OXR1: variants seen among roughly 807,000 people sequenced by gnomAD.
The protein encoded by OXR1 is oxidation resistance protein 1.
Under a neutral mutation model 104.6 loss-of-function variants are expected in OXR1, and 41 were observed. That is an observed-to-expected ratio of 0.39 (90% CI 0.31 to 0.51). OXR1 has a LOEUF of 0.51. Among genes scored for constraint, OXR1 ranks in the 20% least tolerant of loss-of-function variants. OXR1 has a pLI of 0.77. For synonymous variants in OXR1, 348 were observed against 348.4 expected (o/e 1.00, Z 0.01); for missense variants, 955 against 1,031.9 (o/e 0.93, Z 1.02).
At chr8:106,323,068 A>T (rs1814291940) in intron 1 of OXR1, among the ~76,000 whole-genome samples, 1 of 152,214 alleles carries the variant, frequency 6.6e-6, no homozygotes, top group Non-Finnish European at 1.5e-5. Flanking sequence ...ACCAAAAAAG[A>T]GCCTCAATAG....
intron 1 of OXR1, among the ~76,000 whole-genome samples, chr8:106,326,997 A>G (rs1196711290): frequency 1.3e-5 from 2 of 152,162 alleles, no homozygotes; most frequent in Non-Finnish European, 2.9e-5. Context: ...AATTTTTAGG[A>G]AAATTCACAA....
intron 16 of OXR1, among the ~76,000 whole-genome samples, chr8:106,748,742 T>G (rs1384657047): frequency 6.6e-6 from 1 of 151,560 alleles, no homozygotes; most frequent in Non-Finnish European, 1.5e-5. Context: ...CTAACTTTTG[T>G]ATTTTTTATT....
intron 3 of OXR1, among the ~76,000 whole-genome samples, chr8:106,584,168 A>G (rs1215062592): frequency 6.6e-6 from 1 of 152,052 alleles, no homozygotes; most frequent in African/African-American, 2.4e-5. Flanking sequence ...TAAATGAAAA[A>G]CCCAGTAAAA....
At chr8:106,461,725 G>A (rs1820929304) in intron 2 of OXR1, among the ~76,000 whole-genome samples, 1 of 152,048 alleles carries the variant, frequency 6.6e-6, no homozygotes, top group African/African-American at 2.4e-5. Context: ...TACCTGTCTT[G>A]TCACCTGCAG....
intron 3 of OXR1, among the ~76,000 whole-genome samples, chr8:106,618,618 T>C (rs182819629): frequency 9.8e-5 from 15 of 152,316 alleles, no homozygotes; most frequent in Admixed American, 9.8e-4. Flanking sequence ...GTCAGTAAGA[T>C]TTCCATGTTG....
intron 1 of OXR1, among the ~76,000 whole-genome samples, chr8:106,323,163 C>G (rs764795985): frequency 1.3e-5 from 2 of 152,166 alleles, no homozygotes; most frequent in Non-Finnish European, 2.9e-5. Flanking sequence ...GTAATGAAAA[C>G]AGCGTGGTAG....
chr8:106,295,424 T>A (rs1367022302), intron 1 of OXR1, among the ~76,000 whole-genome samples: 2 of 152,184 alleles, frequency 1.3e-5, no homozygotes, highest in Non-Finnish European at 2.9e-5. Context: ...ATATATGTGA[T>A]GTATACATAT....
intron 1 of OXR1, among the ~76,000 whole-genome samples, chr8:106,354,865 A>C (rs1269386082): frequency 1.3e-5 from 2 of 152,126 alleles, no homozygotes; most frequent in Admixed American, 6.5e-5. Context: ...CAACTAAACG[A>C]ATTTATTAGA....
At chr8:106,470,656 G>C (rs2130677572) in intron 2 of OXR1, among the ~76,000 whole-genome samples, 1 of 151,812 alleles carries the variant, frequency 6.6e-6, no homozygotes, top group South Asian at 2.1e-4. Context: ...TTAAAGCCAT[G>C]GCTTCACTGA....
At chr8:106,302,179 AT>A (rs1338945234) in intron 1 of OXR1, among the ~76,000 whole-genome samples, 1 of 152,154 alleles carries the variant, frequency 6.6e-6, no homozygotes, top group African/African-American at 2.4e-5. Flanking sequence ...TTCTAGAATC[AT>A]TCTTCAGTCA....
At chr8:106,487,666 T>A (rs1287772541) in intron 2 of OXR1, among the ~76,000 whole-genome samples, 1 of 148,898 alleles carries the variant, frequency 6.7e-6, no homozygotes. Flanking sequence ...AGTGAGAATA[T>A]GCGGTGTTTG....
intron 1 of OXR1, among the ~76,000 whole-genome samples, chr8:106,315,478 A>T (rs1586511540): frequency 6.6e-6 from 1 of 152,192 alleles, no homozygotes; most frequent in South Asian, 2.1e-4. Flanking sequence ...TTGTAGTTGA[A>T]CATCTGTTTA....
intron 1 of OXR1, among the ~76,000 whole-genome samples, chr8:106,330,803 A>G (rs137897588): frequency 2.6e-4 from 40 of 152,298 alleles, no homozygotes; most frequent in African/African-American, 9.4e-4. Flanking sequence ...GCATTGAACC[A>G]TTCAACCAGG....
intron 1 of OXR1, among the ~76,000 whole-genome samples, chr8:106,334,980 C>T (rs942386922): frequency 6.6e-6 from 1 of 152,014 alleles, no homozygotes; most frequent in African/African-American, 2.4e-5. Flanking sequence ...TATTACCTCC[C>T]CTGCTTCTTC....
intron 3 of OXR1, among the ~76,000 whole-genome samples, chr8:106,603,288 A>G (rs1170806567): frequency 6.6e-6 from 1 of 152,204 alleles, no homozygotes; most frequent in Non-Finnish European, 1.5e-5. Flanking sequence ...GATTGTATCT[A>G]GAATCAGAAA....
At chr8:106,380,209 A>G (rs1207005623) in intron 2 of OXR1, among the ~76,000 whole-genome samples, 1 of 152,010 alleles carries the variant, frequency 6.6e-6, no homozygotes. Context: ...ATTATATCAT[A>G]CATATCATAC....
At chr8:106,566,263 TAAAG>T (rs1247210166) in intron 3 of OXR1, among the ~76,000 whole-genome samples, 1 of 151,758 alleles carries the variant, frequency 6.6e-6, no homozygotes, top group African/African-American at 2.4e-5. Flanking sequence ...ACAAGGAACT[TAAAG>T]AAAGTTACAA....
intron 3 of OXR1, among the ~76,000 whole-genome samples, chr8:106,530,095 A>T (rs2130228459): frequency 6.6e-6 from 1 of 152,352 alleles, no homozygotes; most frequent in Admixed American, 6.5e-5. Context: ...ACTCTATTTT[A>T]AACATTTATA....
intron 3 of OXR1, among the ~76,000 whole-genome samples, chr8:106,637,955 C>T (rs991456848): frequency 2.0e-5 from 3 of 151,734 alleles, no homozygotes; most frequent in Admixed American, 6.6e-5. Flanking sequence ...TTAGTAGAGA[C>T]GGGGTTTCAC....
Sources: allele counts gnomAD v4.1 joint callset (sites outside exome capture counted in the v4.1 genomes callset), GRCh38; gene constraint gnomAD v4.1.1; transcripts MANE v1.5; gene names NCBI Gene and HGNC (gene_info 2026-07-23, HGNC 2026-07-21).